The following SLC38A9 variants were observed in gnomAD, a reference collection of about 807,000 sequenced individuals.
SLC38A9 encodes the protein solute carrier family 38 member 9, also known as neutral amino acid transporter 9.
Under a neutral mutation model 62.3 loss-of-function variants are expected in SLC38A9, and 48 were observed. The ratio of observed to expected loss-of-function variants is 0.77; its 90% CI spans 0.61 to 0.98. The LOEUF is 0.98. SLC38A9 is among the 50% of genes least tolerant of loss of function. The pLI, the probability that SLC38A9 is intolerant of heterozygous loss-of-function variation, is 0.00. For missense variants in SLC38A9, 541 were observed against 679.8 expected, an observed-to-expected ratio of 0.80 and a Z score of 2.27; for synonymous variants, 204 against 227.7, an observed-to-expected ratio of 0.90 and a Z score of 0.94.
In SLC38A9 at chr5:55,626,698, C is replaced by T. The variant is rs146187613; in HGVS notation, c.1521-39G>A. On this transcript the variant is annotated intron_variant, in intron 15 of 15. Transcript: ENST00000396865. ...GCTTTTGGGGTTAATATTCATCTTG[C>T]ACTTTGCTTTTTACAATTAAGGTAA... 7.5e-3 allele frequency: 11,528 copies of T among 1,532,578 alleles called. 71 individuals are homozygous for T. The highest frequency in any genetic ancestry group is 0.012 in the Middle Eastern group (70 of 5,648). 94.9% of individuals were successfully genotyped at this position (1,532,578 alleles called of 1,614,324 possible).
At chr5:55,695,720 C>T (rs1466518584) in intron 3 of SLC38A9, among the ~76,000 whole-genome samples, 2 of 82,898 alleles carry the variant, frequency 2.4e-5, no homozygotes, top group African/African-American at 3.7e-5. Context: ...CCCCACCTTT[C>T]CCCCCTTTCT....
At chr5:55,633,091 T>TC (rs1332840361) in intron 14 of SLC38A9, among the ~76,000 whole-genome samples, 1 of 151,938 alleles carries the variant, frequency 6.6e-6, no homozygotes, top group Non-Finnish European at 1.5e-5. Flanking sequence ...AGCCTCGATC[T>TC]CCCGGGCTCA....
intron 2 of SLC38A9, among the ~76,000 whole-genome samples, chr5:55,708,697 C>A (rs1031308974): frequency 9.2e-5 from 14 of 152,290 alleles, no homozygotes; most frequent in Admixed American, 6.5e-4. Context: ...TCAGATACTA[C>A]ATTTATACTC....
chr5:55,633,902 T>C lies in SLC38A9; in HGVS notation c.1282A>G (p.Asn428Asp). Residue 428 changes from asparagine to aspartate, a missense_variant and splice_region_variant, in exon 14 of 16, where the codon AAT (asparagine) becomes GAT (aspartate). Coordinates refer to ENST00000396865, the MANE Select transcript of SLC38A9 (RefSeq NM_173514.4). ...CTGCTAGGGAAGTTGTCTAAAAAATTCTAATCCAAGAAAGATAATGAGGTC... is the reference window on the plus strand; with the variant it reads ...CTGCTAGGGAAGTTGTCTAAAAAATCCTAATCCAAGAAAGATAATGAGGTC... The part of the protein sequence containing the change: ...PPLSKDCIEQ[N>D]FLDNFPSSDT... The C allele has an allele frequency of 1.3e-6, 2 of 1,598,900 alleles. No individual in the cohort carries two copies.
At chr5:55,661,758 C>A (rs1433487671) in intron 8 of SLC38A9, among the ~76,000 whole-genome samples, 1 of 152,046 alleles carries the variant, frequency 6.6e-6, no homozygotes, top group Non-Finnish European at 1.5e-5. Flanking sequence ...AGAAGACAAG[C>A]CACTAATTAG....
At chr5:55,710,486 GGCGTTA>G (rs1257157139) in intron 2 of SLC38A9, among the ~76,000 whole-genome samples, 2 of 152,196 alleles carry the variant, frequency 1.3e-5, no homozygotes, top group Non-Finnish European at 2.9e-5. Flanking sequence ...TGGGATTACA[GGCGTTA>G]GCCACCGCAA....
At chr5:55,639,340 G>A (rs1298444943) in intron 12 of SLC38A9, among the ~76,000 whole-genome samples, 4 of 149,926 alleles carry the variant, frequency 2.7e-5, no homozygotes, top group Non-Finnish European at 4.4e-5. Context: ...ACTGCATTTC[G>A]TGGGAAAAAA....
At chr5:55,658,335 G>A (rs1451370002) in intron 8 of SLC38A9, among the ~76,000 whole-genome samples, 1 of 152,154 alleles carries the variant, frequency 6.6e-6, no homozygotes, top group East Asian at 1.9e-4. Flanking sequence ...TGTATTTTTA[G>A]TAGAGACAGG....
chr5:55,645,911 AAAC>A lies in SLC38A9; in HGVS notation c.1061-19_1061-17del, dbSNP rs768220213. Reference sequence around the variant, plus strand: ...AATCTTATCTCTAGGAGAAAAATAAAAACAAGAACATTAAAACTGACAATTAGA... The same window carrying A: ...AATCTTATCTCTAGGAGAAAAATAAAAAGAACATTAAAACTGACAATTAGA... On this transcript the variant is annotated splice_polypyrimidine_tract_variant and intron_variant, in intron 11 of 15. Coordinates refer to ENST00000396865, the MANE Select transcript of SLC38A9 (RefSeq NM_173514.4). 1 of 1,513,542 alleles carries A rather than the reference AAAC, an allele frequency of 6.6e-7. No homozygotes were observed. Among genetic ancestry groups the A allele is most frequent in the Non-Finnish European group, 9.0e-7 (1 of 1,106,156 alleles). The allele number at this position is 1,513,542 out of a possible 1,614,324, so 93.8% of individuals were successfully genotyped here.
At chr5:55,654,497 C>T (rs1036811957) in intron 9 of SLC38A9, among the ~76,000 whole-genome samples, 9 of 151,678 alleles carry the variant, frequency 5.9e-5, no homozygotes, top group African/African-American at 1.9e-4. Flanking sequence ...TCCAGCTACT[C>T]GGGAGGTGGA....
At chr5:55,688,634 C>A (rs1016744453) in intron 3 of SLC38A9, among the ~76,000 whole-genome samples, 4 of 152,084 alleles carry the variant, frequency 2.6e-5, no homozygotes, top group Non-Finnish European at 5.9e-5. Context: ...CCCGCCTCGG[C>A]CTCCCAAAGT....
intron 15 of SLC38A9, among the ~76,000 whole-genome samples, chr5:55,627,096 A>G (rs1580041448): frequency 1.3e-5 from 2 of 152,330 alleles, no homozygotes; most frequent in East Asian, 3.9e-4. Context: ...ACGAAAGATA[A>G]TAACAAAAAT....
chr5:55,665,567 A>G lies in SLC38A9; in HGVS notation c.527-704T>C, dbSNP rs182103958. Among the ~76,000 whole-genome samples, 990 of 152,000 alleles carry G rather than the reference A, an allele frequency of 6.5e-3. 12 individuals are homozygous for G. The highest frequency in any genetic ancestry group is 0.023 in the African/African-American group (959 of 41,520). ...ATCTCAAAAAAAAAAAAAGAAAAAA[A>G]ACAAAAGAAAGAAATCAAATAATAA... On this transcript the variant is annotated intron_variant, in intron 7 of 15. Coordinates refer to ENST00000396865, the MANE Select transcript of SLC38A9 (RefSeq NM_173514.4).
Position 55,685,082 on chromosome 5 carries a change from T to C in SLC38A9, c.114-12387A>G, listed in dbSNP as rs143577359. Among the ~76,000 whole-genome samples, 5 of 152,236 alleles carry C rather than the reference T, an allele frequency of 3.3e-5. 1 individual carries two copies. The South Asian group carries it at 1.0e-3, about 32-fold the overall frequency. ...ACCTCGGTATTCTACATTGTCTTATTAGTTGTCCTATGTCTTCAAGCATAT... is the reference window on the plus strand; with the variant it reads ...ACCTCGGTATTCTACATTGTCTTATCAGTTGTCCTATGTCTTCAAGCATAT... On this transcript the variant is annotated intron_variant, in intron 3 of 15. Transcript: ENST00000396865.
At chr5:55,703,309 CA>C (rs1756893463) in intron 2 of SLC38A9, among the ~76,000 whole-genome samples, 1 of 152,148 alleles carries the variant, frequency 6.6e-6, no homozygotes, top group Non-Finnish European at 1.5e-5. Flanking sequence ...ATTTTCAGTT[CA>C]TCATTTCACT....
rs763306793 is a variant in SLC38A9 at position 55,672,687 on chromosome 5, C to T, written c.122G>A (p.Cys41Tyr). Residue 41 changes from cysteine (C) to tyrosine (Y), a missense_variant, in exon 4 of 16, where the codon TGT becomes TAT. Cys to Tyr is a radical substitution (Grantham distance 194). Coordinates refer to ENST00000396865, the MANE Select transcript of SLC38A9 (RefSeq NM_173514.4). Reference protein sequence around the residue: ...PSDLRSKRPFCIEPTNIVNVN... With the variant: ...PSDLRSKRPFYIEPTNIVNVN... Reference sequence around the variant, plus strand: ...ATTCACGATGTTTGTGGGCTCTATACAGAAAGGCCTACAAAGGGAATATAC... The same window carrying T: ...ATTCACGATGTTTGTGGGCTCTATATAGAAAGGCCTACAAAGGGAATATAC... 1.5e-5 allele frequency: 25 copies of T among 1,613,404 alleles called. No individual in the cohort carries two copies. The highest frequency in any genetic ancestry group is 4.5e-5 in the East Asian group (2 of 44,874).
chr5:55,678,645 C>CTTTTT (rs869297949), intron 3 of SLC38A9, among the ~76,000 whole-genome samples: 2 of 45,796 alleles, frequency 4.4e-5, no homozygotes, highest in African/African-American at 7.4e-5. Context: ...CTGAAATGAA[C>CTTTTT]TTTTTTTTTT....
At chr5:55,702,814 T>C (rs1233527210) in intron 2 of SLC38A9, 5 of 152,190 alleles carry the variant, frequency 3.3e-5, no homozygotes, top group Non-Finnish European at 7.4e-5. Context: ...TTCTCTGTTG[T>C]TTTGATTTCC....
intron 3 of SLC38A9, among the ~76,000 whole-genome samples, chr5:55,693,711 A>G (rs1755046246): frequency 6.6e-6 from 1 of 152,160 alleles, no homozygotes; most frequent in Admixed American, 6.5e-5. Context: ...TGATTCTAAT[A>G]TACATATTTA....
Sources: allele counts gnomAD v4.1 joint callset (sites outside exome capture counted in the v4.1 genomes callset), GRCh38; gene constraint gnomAD v4.1.1; transcripts MANE v1.5; gene names NCBI Gene and HGNC (gene_info 2026-07-23, HGNC 2026-07-21).